The following DAB1 variants were observed in gnomAD, a reference collection of about 807,000 sequenced individuals.
DAB1 encodes disabled homolog 1.
In DAB1, 15 loss-of-function variants were observed where a neutral mutation model predicts 64.6. The observed-to-expected ratio is 0.23, with a 90% CI of 0.16 to 0.36. The LOEUF (loss-of-function observed/expected upper bound fraction) is 0.36, where lower values mean the gene tolerates loss of function less well. Among genes scored for constraint, DAB1 ranks in the 10% least tolerant of loss-of-function variants. DAB1 has a pLI of 1.00. For synonymous variants in DAB1, 235 were observed against 251.9 expected (o/e 0.93, Z 0.64); for missense variants, 596 against 706.7 (o/e 0.84, Z 1.78).
intron 7 of DAB1, among the ~76,000 whole-genome samples, chr1:57,461,488 G>A (rs1686777712): frequency 6.6e-6 from 1 of 152,116 alleles, no homozygotes; most frequent in South Asian, 2.1e-4. Flanking sequence ...CCTAGTATCT[G>A]ATGCCTGACT....
chr1:57,294,933 G>A (rs1331311834), intron 1 of DAB1, among the ~76,000 whole-genome samples: 1 of 152,156 alleles, frequency 6.6e-6, no homozygotes, highest in Non-Finnish European at 1.5e-5. Flanking sequence ...ACACTGCAAC[G>A]TGGATGAACC....
At chr1:57,676,460 A>G (rs1325338894) in intron 6 of DAB1, among the ~76,000 whole-genome samples, 1 of 152,198 alleles carries the variant, frequency 6.6e-6, no homozygotes, top group Non-Finnish European at 1.5e-5. Context: ...CTTATATACC[A>G]AGGCATGCAG....
At chr1:58,175,464 C>A (rs1656416231) in intron 4 of DAB1, among the ~76,000 whole-genome samples, 1 of 152,214 alleles carries the variant, frequency 6.6e-6, no homozygotes, top group Non-Finnish European at 1.5e-5. Context: ...CTGGAAGGAA[C>A]CAATTCCGGG....
intron 2 of DAB1, among the ~76,000 whole-genome samples, chr1:57,214,919 A>AG: frequency 6.6e-6 from 1 of 150,988 alleles, no homozygotes; most frequent in East Asian, 1.9e-4. Flanking sequence ...TCAAAAAAAA[A>AG]AAAAAAAAAA....
In DAB1 at chr1:57,309,088, G is replaced by T. The variant is rs140457527; in HGVS notation, c.-136-17922C>A. Among the ~76,000 whole-genome samples, 29 of 152,298 alleles carry T rather than the reference G, an allele frequency of 1.9e-4. No individual in the cohort carries two copies. In the East Asian group the frequency reaches 5.6e-3, roughly 29 times the overall value. The stretch of plus-strand genomic sequence containing the variant: ...TTTTAGCTCATCAGCTATCATTAGT[G>T]TATTTTATGTGTGGTCCAAGGATAT... On this transcript the variant is annotated intron_variant, in intron 1 of 14. Transcript: ENST00000371236.
At chr1:57,819,478 G>A (rs1652019314) in intron 6 of DAB1, among the ~76,000 whole-genome samples, 1 of 152,126 alleles carries the variant, frequency 6.6e-6, no homozygotes, top group African/African-American at 2.4e-5. Context: ...TGGAGGAAGT[G>A]GAAACAGTTT....
At chr1:57,228,437 G>A (rs947469888) in intron 2 of DAB1, among the ~76,000 whole-genome samples, 1 of 152,078 alleles carries the variant, frequency 6.6e-6, no homozygotes, top group African/African-American at 2.4e-5. Context: ...AAATTTAGAA[G>A]AGAAAACCTG....
intron 5 of DAB1, among the ~76,000 whole-genome samples, chr1:58,131,894 G>A (rs1653614092): frequency 6.7e-6 from 1 of 150,366 alleles, no homozygotes; most frequent in South Asian, 2.2e-4. Flanking sequence ...GTCTGCAGAG[G>A]TTACTGCTGT....
chr1:57,876,750 T>TA (rs1156616604), intron 1 of DAB1: 2 of 152,104 alleles, frequency 1.3e-5, no homozygotes, highest in African/African-American at 4.8e-5. Flanking sequence ...AGGCTGGACA[T>TA]ACAGTGGGCC....
chr1:57,423,069 C>T (rs2101096079), intron 1 of DAB1, among the ~76,000 whole-genome samples: 1 of 152,048 alleles, frequency 6.6e-6, no homozygotes, highest in African/African-American at 2.4e-5. Flanking sequence ...CTCGGACTCC[C>T]TGCCTCTGGG....
At chr1:57,231,091 C>T (rs1396111533) in intron 2 of DAB1, among the ~76,000 whole-genome samples, 1 of 152,120 alleles carries the variant, frequency 6.6e-6, no homozygotes, top group Non-Finnish European at 1.5e-5. Context: ...AACCTTGTTG[C>T]TATTTTCAAT....
chr1:57,362,783 T>G (rs1211294811), intron 1 of DAB1, among the ~76,000 whole-genome samples: 5 of 152,168 alleles, frequency 3.3e-5, no homozygotes, highest in African/African-American at 1.2e-4. Context: ...GCAGCCCCAA[T>G]AGATTAAGAC....
At chr1:57,260,865 G>A (rs1449572879) in intron 2 of DAB1, among the ~76,000 whole-genome samples, 15 of 152,138 alleles carry the variant, frequency 9.9e-5, no homozygotes, top group African/African-American at 1.7e-4. Flanking sequence ...GGTTTCTACT[G>A]TAGAGCATGG....
Position 57,794,442 on chromosome 1 carries a change from T to G in DAB1, n.551+89557A>C, listed in dbSNP as rs560796549. Among the ~76,000 whole-genome samples, 256 of 152,318 alleles carry G rather than the reference T, an allele frequency of 1.7e-3. 1 individual carries two copies. Among genetic ancestry groups the G allele is most frequent in the African/African-American group, 5.9e-3 (246 of 41,572 alleles). On this transcript the variant is annotated intron_variant and non_coding_transcript_variant, in intron 6 of 20. Coordinates refer to the DAB1 transcript ENST00000485760. ...ACCATGTTCTTTCAGAGGTCTCTACTTTATTACATGTTCTTCTTTCTTCTT... is the reference window on the plus strand; with the variant it reads ...ACCATGTTCTTTCAGAGGTCTCTACGTTATTACATGTTCTTCTTTCTTCTT...
intron 6 of DAB1, among the ~76,000 whole-genome samples, chr1:57,677,124 C>T (rs1388515084): frequency 6.6e-6 from 1 of 152,124 alleles, no homozygotes; most frequent in Admixed American, 6.6e-5. Flanking sequence ...GCCCTCTCTC[C>T]ACCATGTAAG....
chr1:57,142,895 T>C (rs968293011), intron 3 of DAB1, among the ~76,000 whole-genome samples: 6 of 152,168 alleles, frequency 3.9e-5, no homozygotes, highest in African/African-American at 1.4e-4. Flanking sequence ...TTGCATTTTC[T>C]TCATGCCTTT....
At chr1:57,240,042 C>A (rs553774789) in intron 2 of DAB1, among the ~76,000 whole-genome samples, 57 of 152,308 alleles carry the variant, frequency 3.7e-4, no homozygotes, top group Non-Finnish European at 7.6e-4. Flanking sequence ...GGGCACAATG[C>A]AATCCTCCAA....
chr1:57,122,934 G>T (rs958212331), intron 4 of DAB1, among the ~76,000 whole-genome samples: 1 of 152,022 alleles, frequency 6.6e-6, no homozygotes, highest in African/African-American at 2.4e-5. Context: ...TATCTCCAAA[G>T]AGCGCCTGAG....
chr1:58,243,027 C>G (rs1302117426), intron 4 of DAB1, among the ~76,000 whole-genome samples: 1 of 152,070 alleles, frequency 6.6e-6, no homozygotes, highest in Non-Finnish European at 1.5e-5. Flanking sequence ...CAAATGAAAA[C>G]AGCTTGGTTT....
Sources: allele counts gnomAD v4.1 joint callset (sites outside exome capture counted in the v4.1 genomes callset), GRCh38; gene constraint gnomAD v4.1.1; transcripts MANE v1.5; gene names NCBI Gene and HGNC (gene_info 2026-07-23, HGNC 2026-07-21).